UVRAG: variants seen among roughly 807,000 people sequenced by gnomAD.
UVRAG encodes the protein UV radiation resistance-associated gene protein.
A neutral mutation model predicts 78.0 loss-of-function variants in UVRAG; 19 were observed. The ratio of observed to expected loss-of-function variants is 0.24; its 90% CI spans 0.17 to 0.36. UVRAG has a LOEUF of 0.36. Among genes scored for constraint, UVRAG ranks in the 10% least tolerant of loss-of-function variants. The pLI, the probability that UVRAG is intolerant of heterozygous loss-of-function variation, is 1.00. For missense variants in UVRAG, 740 were observed against 853.8 expected (o/e 0.87, Z 1.66); for synonymous variants, 323 against 324.6 (o/e 1.00, Z 0.05).
intron 14 of UVRAG, among the ~76,000 whole-genome samples, chr11:76,129,711 TTC>T (rs1056984492): frequency 3.3e-5 from 5 of 152,182 alleles, no homozygotes; most frequent in African/African-American, 1.2e-4. Flanking sequence ...CTCCTGCTAT[TTC>T]TGTTTGTCTA....
At chr11:75,871,584 T>TG (rs1946653375) in intron 3 of UVRAG, among the ~76,000 whole-genome samples, 1 of 152,232 alleles carries the variant, frequency 6.6e-6, no homozygotes, top group Non-Finnish European at 1.5e-5. Flanking sequence ...GCGCCCGGAC[T>TG]GCATCTGCTC....
chr11:75,994,347 C>A (rs1949666288), intron 8 of UVRAG, among the ~76,000 whole-genome samples: 1 of 152,124 alleles, frequency 6.6e-6, no homozygotes. Context: ...AGATGTTACC[C>A]TCATTGTATA....
intron 12 of UVRAG, among the ~76,000 whole-genome samples, chr11:76,044,974 T>C (rs1458629769): frequency 6.6e-6 from 1 of 152,092 alleles, no homozygotes; most frequent in Non-Finnish European, 1.5e-5. Context: ...AGCAAGCTGA[T>C]TCATGCTGCA....
At chr11:75,963,573 A>C (rs1169657959) in intron 7 of UVRAG, among the ~76,000 whole-genome samples, 1 of 152,208 alleles carries the variant, frequency 6.6e-6, no homozygotes, top group Non-Finnish European at 1.5e-5. Flanking sequence ...CCGATATTTA[A>C]GAAATCATTT....
chr11:75,971,673 A>T (rs1949124148), intron 7 of UVRAG, among the ~76,000 whole-genome samples: 1 of 151,842 alleles, frequency 6.6e-6, no homozygotes, highest in Non-Finnish European at 1.5e-5. Flanking sequence ...TGCATTTTTA[A>T]ATTGAGTTGT....
At chr11:75,934,733 T>C (rs1948328560) in intron 6 of UVRAG, among the ~76,000 whole-genome samples, 2 of 152,176 alleles carry the variant, frequency 1.3e-5, no homozygotes, top group South Asian at 2.1e-4. Flanking sequence ...ATACCTAAAA[T>C]GTTCTACATT....
chr11:76,065,676 T>A, intron 12 of UVRAG, 34 bp from the exon 13 acceptor site: 1 of 1,603,280 alleles, frequency 6.2e-7, no homozygotes, highest in Non-Finnish European at 8.5e-7. Context: ...TACTCAGCTT[T>A]TGAAAATATC....
chr11:75,835,279 A>C lies in UVRAG; in HGVS notation c.118-16604A>C, dbSNP rs191315786. ...GTTGAGCAAATTTGATCTGTAACTG[A>C]CTGTGAACACTAAATTGAGAAAACT... On this transcript the variant is annotated intron_variant, in intron 1 of 14. Coordinates refer to ENST00000356136, the MANE Select transcript of UVRAG (RefSeq NM_003369.4). 5 of 152,318 alleles carry C rather than the reference A, an allele frequency of 3.3e-5. No individual in the cohort carries two copies. In the East Asian group the frequency reaches 9.6e-4, roughly 29 times the overall value. The allele number at this position is 152,318 out of a possible 1,614,324, so 9.4% of individuals were successfully genotyped here. A position where few individuals can be genotyped will look rare whatever the true frequency, so the allele number is the denominator to read the frequency against.
intron 1 of UVRAG, among the ~76,000 whole-genome samples, chr11:75,819,434 C>G (rs1213947256): frequency 6.6e-6 from 1 of 151,876 alleles, no homozygotes; most frequent in African/African-American, 2.4e-5. Flanking sequence ...TGCAACCTGC[C>G]CCTCCCGGGT....
intron 13 of UVRAG, among the ~76,000 whole-genome samples, chr11:76,092,041 G>A (rs1300879645): frequency 6.6e-6 from 1 of 151,294 alleles, no homozygotes; most frequent in Non-Finnish European, 1.5e-5. Context: ...ATGTACAAGT[G>A]TTCTCATTGT....
chr11:76,130,026 C>T (rs1952484579), intron 14 of UVRAG, among the ~76,000 whole-genome samples: 1 of 152,062 alleles, frequency 6.6e-6, no homozygotes. Context: ...CTTTGTTTTC[C>T]TCCTCAGTTT....
intron 3 of UVRAG, among the ~76,000 whole-genome samples, chr11:75,877,363 G>C (rs1203422255): frequency 6.6e-6 from 1 of 152,146 alleles, no homozygotes; most frequent in African/African-American, 2.4e-5. Flanking sequence ...TGAGCTGTTG[G>C]GCACACCTCC....
intron 13 of UVRAG, among the ~76,000 whole-genome samples, chr11:76,089,014 A>G (rs1253553853): frequency 6.6e-6 from 1 of 152,218 alleles, no homozygotes; most frequent in East Asian, 1.9e-4. Context: ...AAAGGTTTGC[A>G]CATGCATGAT....
At chr11:75,985,359 G>T (rs1949479204) in intron 8 of UVRAG, among the ~76,000 whole-genome samples, 2 of 151,816 alleles carry the variant, frequency 1.3e-5, no homozygotes, top group African/African-American at 4.8e-5. Context: ...ACTCTTTTGT[G>T]ATATACCTGT....
At chr11:75,990,629 T>C (rs2135297559) in intron 8 of UVRAG, among the ~76,000 whole-genome samples, 1 of 152,332 alleles carries the variant, frequency 6.6e-6, no homozygotes, top group Non-Finnish European at 1.5e-5. Context: ...TAAGTATGCT[T>C]TGTTCTATCT....
intron 12 of UVRAG, among the ~76,000 whole-genome samples, chr11:76,028,358 T>C (rs909401397): frequency 2.6e-5 from 4 of 152,074 alleles, no homozygotes; most frequent in African/African-American, 9.7e-5. Flanking sequence ...TATAGCCCTA[T>C]AATGGCCTCT....
chr11:75,930,940 T>TTTCC (rs1173912559), intron 6 of UVRAG: 2 of 142,018 alleles, frequency 1.4e-5, no homozygotes, highest in African/African-American at 2.8e-5. Context: ...TCTTTCTTTC[T>TTTCC]TTCTTTCTTT....
chr11:75,951,817 G>A (rs1249291476), intron 6 of UVRAG, among the ~76,000 whole-genome samples: 3 of 151,984 alleles, frequency 2.0e-5, no homozygotes, highest in Admixed American at 2.0e-4. Flanking sequence ...CATTTTCTTG[G>A]TGTTCTAGGT....
At chr11:75,828,731 G>GTGTATA (rs1555069621) in intron 1 of UVRAG, among the ~76,000 whole-genome samples, 2 of 110,822 alleles carry the variant, frequency 1.8e-5, no homozygotes, top group African/African-American at 7.3e-5. Flanking sequence ...ATGTGTGTGT[G>GTGTATA]TATATATATA....
Sources: gnomAD v4.1 joint callset for allele counts (sites outside exome capture counted in the v4.1 genomes callset) on GRCh38, gnomAD v4.1.1 for gene constraint, MANE v1.5 for transcripts, NCBI Gene and HGNC (gene_info 2026-07-23, HGNC 2026-07-21) for gene names.